Variants in TIAM1 observed in about 807,000 individuals in gnomAD.
The protein encoded by TIAM1 is TIAM Rac1 associated GEF 1.
Under a neutral mutation model 163.5 loss-of-function variants are expected in TIAM1, and 65 were observed. The observed-to-expected ratio is 0.40, with a 90% CI of 0.33 to 0.49. The LOEUF (loss-of-function observed/expected upper bound fraction) is 0.49, where lower values mean the gene tolerates loss of function less well. Among genes scored for constraint, TIAM1 ranks in the 20% least tolerant of loss-of-function variants. The pLI, the probability that TIAM1 is intolerant of heterozygous loss-of-function variation, is 0.77. For synonymous variants in TIAM1, 833 were observed against 810.1 expected (o/e 1.03, Z -0.48); for missense variants, 1,789 against 2,044.7 (o/e 0.87, Z 2.41).
At chr21:31,366,023 G>C (rs2076499261) in intron 2 of TIAM1, among the ~76,000 whole-genome samples, 1 of 144,122 alleles carries the variant, frequency 6.9e-6, no homozygotes, top group East Asian at 2.0e-4. Flanking sequence ...GGAGGTGGAG[G>C]TTGCAGTGAG....
intron 2 of TIAM1, among the ~76,000 whole-genome samples, chr21:31,440,749 C>G (rs374537933): frequency 3.9e-5 from 6 of 152,052 alleles, no homozygotes; most frequent in Non-Finnish European, 5.9e-5. Context: ...GGTGTGGTGG[C>G]GTGTGCCTGT....
chr21:31,458,671 G>A (rs1298614583), intron 2 of TIAM1, among the ~76,000 whole-genome samples: 2 of 152,058 alleles, frequency 1.3e-5, no homozygotes, highest in African/African-American at 4.8e-5. Flanking sequence ...TCTAATGGGA[G>A]CGACTGACAA....
At chr21:31,500,140 G>C (rs2147444737) in intron 1 of TIAM1, among the ~76,000 whole-genome samples, 1 of 152,246 alleles carries the variant, frequency 6.6e-6, no homozygotes, top group East Asian at 1.9e-4. Flanking sequence ...ACTCCAGCCT[G>C]GGTGACAGAG....
chr21:31,438,805 G>A (rs1296086324), intron 2 of TIAM1, among the ~76,000 whole-genome samples: 1 of 152,054 alleles, frequency 6.6e-6, no homozygotes, highest in African/African-American at 2.4e-5. Context: ...AGGATGTTTG[G>A]CAGCATCCCT....
chr21:31,215,267 T>C (rs920934184), intron 9 of TIAM1, among the ~76,000 whole-genome samples: 2 of 151,886 alleles, frequency 1.3e-5, no homozygotes, highest in Non-Finnish European at 2.9e-5. Flanking sequence ...AGAAGACACA[T>C]ACACAATGAC....
intron 1 of TIAM1, among the ~76,000 whole-genome samples, chr21:31,534,734 A>G (rs546195271): frequency 5.3e-5 from 8 of 152,280 alleles, no homozygotes; most frequent in African/African-American, 1.9e-4. Context: ...GGTCAAAACC[A>G]CTGCCCATCA....
chr21:31,179,248 G>T (rs1226410374), intron 15 of TIAM1, among the ~76,000 whole-genome samples: 1 of 151,608 alleles, frequency 6.6e-6, no homozygotes. Flanking sequence ...TTAGCCAGGC[G>T]AGGTGGCAGG....
intron 2 of TIAM1, among the ~76,000 whole-genome samples, chr21:31,420,255 G>A (rs1376193580): frequency 6.6e-6 from 1 of 152,086 alleles, no homozygotes; most frequent in African/African-American, 2.4e-5. Flanking sequence ...TAGAAAACAA[G>A]CCTTGAAAGG....
intron 2 of TIAM1, among the ~76,000 whole-genome samples, chr21:31,438,269 A>G (rs1335287732): frequency 7.6e-6 from 1 of 131,642 alleles, no homozygotes; most frequent in Non-Finnish European, 1.5e-5. Flanking sequence ...TGGGCCCACC[A>G]CAACCTCCAC....
At chr21:31,346,188 AATAGTGCTGCTGCTGCTGAGAAACCCTG>A (rs1324504091), upstream of TIAM1, among the ~76,000 whole-genome samples, 26 of 152,128 alleles carry the variant, frequency 1.7e-4, no homozygotes, top group Admixed American at 1.7e-3. Context: ...CACAAATGCC[AATAGTGCTGCTGCTGCTGAGAAACCCTG>A]ATTTAGAAGT....
At position 31,223,418 on chromosome 21, in the gene TIAM1, C is replaced by T. The variant is rs186818915; in HGVS notation, c.1983G>A (p.Ser661=). ...MGRLGIFSVS[S]FHALVAARTG... ...AGCTTCTACTCACCAGGGCATGAAA[C>T]GATGATACCGAAAAGATTCCAAGGC... Residue 661 remains serine (S), a synonymous_variant, in exon 8 of 28, where the codon TCG becomes TCA. Transcript: ENST00000541036. 1.7e-5 allele frequency: 27 copies of T among 1,611,488 alleles called. No homozygotes were observed. The East Asian group carries it at 2.0e-4, about 12-fold the overall frequency.
chr21:31,197,379 CTTTTTTT>C (rs1258537968), intron 12 of TIAM1, among the ~76,000 whole-genome samples: 3 of 142,600 alleles, frequency 2.1e-5, no homozygotes, highest in Non-Finnish European at 3.1e-5. Flanking sequence ...TTTCTTTTTT[CTTTTTTT>C]TTTTTTTGAG....
At chr21:31,523,867 G>A (rs911524728) in intron 1 of TIAM1, among the ~76,000 whole-genome samples, 3 of 150,512 alleles carry the variant, frequency 2.0e-5, no homozygotes, top group African/African-American at 7.3e-5. Context: ...GCAGTGAGCT[G>A]AGATCGCGCC....
At chr21:31,155,490 T>G (rs2083571415) in intron 16 of TIAM1, among the ~76,000 whole-genome samples, 2 of 152,160 alleles carry the variant, frequency 1.3e-5, no homozygotes, top group Admixed American at 1.3e-4. Context: ...TCAATGAATG[T>G]TTGATGGAAA....
At chr21:31,365,046 A>G (rs1320689510) in intron 2 of TIAM1, among the ~76,000 whole-genome samples, 1 of 152,172 alleles carries the variant, frequency 6.6e-6, no homozygotes, top group Non-Finnish European at 1.5e-5. Context: ...GACACCAATT[A>G]TTCTTCTTTT....
intron 3 of TIAM1, among the ~76,000 whole-genome samples, chr21:31,271,128 C>T (rs555252910): frequency 2.0e-5 from 3 of 152,156 alleles, no homozygotes; most frequent in Non-Finnish European, 4.4e-5. Flanking sequence ...CCCACTAGAG[C>T]CTAAGCTTCA....
intron 2 of TIAM1, among the ~76,000 whole-genome samples, chr21:31,417,569 C>A (rs1024713463): frequency 2.0e-5 from 3 of 152,166 alleles, no homozygotes; most frequent in African/African-American, 7.2e-5. Flanking sequence ...TGGGTCCCTC[C>A]CACAATACGT....
rs539120926 is a variant in TIAM1, at chr21:31,435,336, A to G, written c.-369+28647T>C. Reference sequence around the variant, plus strand: ...AATTACTCTAAAGATACATGCTTATAGAGTAACTTTAAAGTTACTCTAAAG... The same window carrying G: ...AATTACTCTAAAGATACATGCTTATGGAGTAACTTTAAAGTTACTCTAAAG... On this transcript the variant is annotated intron_variant, in intron 2 of 28. Transcript: ENST00000286827. Among the ~76,000 whole-genome samples the G allele has an allele frequency of 5.3e-5, 8 of 152,354 alleles. No individual in the cohort carries two copies. In the South Asian group the frequency reaches 8.3e-4, roughly 16 times the overall value.
chr21:31,398,858 C>T (rs890662369), intron 2 of TIAM1, among the ~76,000 whole-genome samples: 7 of 152,198 alleles, frequency 4.6e-5, no homozygotes, highest in Non-Finnish European at 8.8e-5. Flanking sequence ...ATCACCCAGG[C>T]TCTGACTCTT....
Sources: allele counts gnomAD v4.1 joint callset (sites outside exome capture counted in the v4.1 genomes callset), GRCh38; gene constraint gnomAD v4.1.1; transcripts MANE v1.5; gene names NCBI Gene and HGNC (gene_info 2026-07-23, HGNC 2026-07-21).